SOX6: variants seen among roughly 807,000 people sequenced by gnomAD.
SOX6 encodes SRY-box transcription factor 6.
A neutral mutation model predicts 97.8 loss-of-function variants in SOX6; 11 were observed. The ratio of observed to expected loss-of-function variants is 0.11; its 90% CI spans 0.07 to 0.19. The LOEUF (loss-of-function observed/expected upper bound fraction) is 0.19, where lower values mean the gene tolerates loss of function less well. SOX6 is among the 10% of genes least tolerant of loss of function. The probability of loss-of-function intolerance (pLI) is 1.00; values close to 1 mark genes in which losing one functional copy is unlikely to be tolerated. For synonymous variants in SOX6, 360 were observed against 371.4 expected, an observed-to-expected ratio of 0.97 and a Z score of 0.35; for missense variants, 810 against 1,039.5, an observed-to-expected ratio of 0.78 and a Z score of 3.04.
chr11:16,194,737 G>A (rs998331878), intron 4 of SOX6, among the ~76,000 whole-genome samples: 2 of 152,156 alleles, frequency 1.3e-5, no homozygotes, highest in African/African-American at 2.4e-5. Flanking sequence ...GATCAACTGA[G>A]GTCTATTCAT....
In SOX6 at chr11:16,453,185, C is replaced by T. The variant is rs182323318; in HGVS notation, c.-5+23130G>A. 4.6e-5 allele frequency among the ~76,000 whole-genome samples: 7 copies of T among 152,122 alleles called. No homozygotes were observed. In the South Asian group the frequency reaches 6.2e-4, roughly 14 times the overall value. ...GGGTTTTTGTTACTATTGTTCTTGG[C>T]TATTTTTGCCTTTTTCTAAAATACC... On this transcript the variant is annotated intron_variant, in intron 1 of 15. Coordinates refer to the SOX6 transcript ENST00000396356.
chr11:16,156,681 C>A (rs57534454), intron 6 of SOX6, among the ~76,000 whole-genome samples: 3,858 of 152,014 alleles, frequency 0.025, 169 homozygotes, highest in African/African-American at 0.088. Context: ...TCTTTACTGG[C>A]CTCCTGGCTA....
At chr11:16,276,816 G>A (rs1519128) in intron 3 of SOX6, among the ~76,000 whole-genome samples, 118,824 of 152,182 alleles carry the variant, frequency 0.78, 46,527 homozygotes, top group Non-Finnish European at 0.8. Flanking sequence ...CTTTTGTTGT[G>A]GATACTTGCA....
At chr11:16,182,355 G>A (rs947991017) in intron 6 of SOX6, among the ~76,000 whole-genome samples, 3 of 151,796 alleles carry the variant, frequency 2.0e-5, no homozygotes, top group African/African-American at 7.2e-5. Context: ...GAAACAGAGA[G>A]AACTAAACGA....
intron 9 of SOX6, among the ~76,000 whole-genome samples, chr11:16,064,688 C>G (rs1046698711): frequency 2.5e-4 from 38 of 151,910 alleles, no homozygotes; most frequent in African/African-American, 8.9e-4. Context: ...GGATTTATCC[C>G]TGGGATGCAA....
chr11:16,529,679 G>A (rs1014814717), intron 4 of SOX6, among the ~76,000 whole-genome samples: 4 of 151,876 alleles, frequency 2.6e-5, no homozygotes, highest in South Asian at 2.1e-4. Context: ...TAAATTACAC[G>A]GTATATTAAA....
intron 4 of SOX6, among the ~76,000 whole-genome samples, chr11:16,486,067 A>G (rs1370914009): frequency 1.3e-5 from 2 of 151,032 alleles, no homozygotes; most frequent in African/African-American, 2.4e-5. Context: ...GCAGCTTATC[A>G]TTATGAACCA....
intron 1 of SOX6, among the ~76,000 whole-genome samples, chr11:16,475,477 C>G (rs1208971818): frequency 6.6e-6 from 1 of 152,062 alleles, no homozygotes. Context: ...ATTGTTGTGC[C>G]TCAGAGAACA....
chr11:15,978,944 AAG>A (rs1853579965), intron 15 of SOX6, among the ~76,000 whole-genome samples: 1 of 138,694 alleles, frequency 7.2e-6, no homozygotes, highest in Non-Finnish European at 1.6e-5. Flanking sequence ...TATATAAAAT[AAG>A]CATATATAAT....
At chr11:16,278,989 T>C (rs1854478573) in intron 3 of SOX6, among the ~76,000 whole-genome samples, 1 of 152,148 alleles carries the variant, frequency 6.6e-6, no homozygotes, top group African/African-American at 2.4e-5. Flanking sequence ...AAGACTAATG[T>C]GAAATGAGCA....
At chr11:16,571,332 C>T (rs921021735) in intron 4 of SOX6, among the ~76,000 whole-genome samples, 1 of 152,156 alleles carries the variant, frequency 6.6e-6, no homozygotes, top group Non-Finnish European at 1.5e-5. Flanking sequence ...AAGGATATAG[C>T]AATATTACCC....
intron 3 of SOX6, among the ~76,000 whole-genome samples, chr11:16,295,492 C>A (rs371963604): frequency 9.2e-5 from 14 of 152,104 alleles, no homozygotes; most frequent in African/African-American, 3.1e-4. Flanking sequence ...TACCACCCCC[C>A]CTCATCTTTC....
intron 6 of SOX6, among the ~76,000 whole-genome samples, chr11:16,139,847 C>T (rs1850080732): frequency 6.6e-6 from 1 of 151,288 alleles, no homozygotes; most frequent in South Asian, 2.1e-4. Flanking sequence ...CACAAAGTCA[C>T]TTTGATACTT....
At chr11:16,017,701 GA>G (rs1854930155) in intron 12 of SOX6, among the ~76,000 whole-genome samples, 1 of 152,018 alleles carries the variant, frequency 6.6e-6, no homozygotes. Context: ...GAAGTATAAA[GA>G]TACTTTGGTT....
intron 4 of SOX6, among the ~76,000 whole-genome samples, chr11:16,537,070 T>A (rs940070683): frequency 1.3e-5 from 2 of 152,098 alleles, no homozygotes; most frequent in Admixed American, 1.3e-4. Flanking sequence ...AGACACCTCA[T>A]ACAGGCAAGT....
At chr11:16,501,182 C>T (rs1860700937) in intron 4 of SOX6, among the ~76,000 whole-genome samples, 1 of 152,138 alleles carries the variant, frequency 6.6e-6, no homozygotes, top group African/African-American at 2.4e-5. Context: ...TGATCTTTGA[C>T]AAACCTGACA....
chr11:16,478,603 A>G (rs1326802694), upstream of SOX6, among the ~76,000 whole-genome samples: 1 of 152,236 alleles, frequency 6.6e-6, no homozygotes, highest in Admixed American at 6.5e-5. Context: ...TTTACAGCAA[A>G]GAATTAAAAA....
chr11:16,590,369 G>A (rs560260194), intron 4 of SOX6, among the ~76,000 whole-genome samples: 1 of 152,186 alleles, frequency 6.6e-6, no homozygotes, highest in South Asian at 2.1e-4. Context: ...AATTTTTAAG[G>A]AAAACTAAGG....
intron 2 of SOX6, among the ~76,000 whole-genome samples, chr11:16,717,892 G>T (rs116028714): frequency 2.4e-3 from 363 of 148,286 alleles, no homozygotes; most frequent in African/African-American, 8.6e-3. Flanking sequence ...CTTTTCTTCT[G>T]GCTCAGAAAT....
Sources: allele counts gnomAD v4.1 joint callset (sites outside exome capture counted in the v4.1 genomes callset), GRCh38; gene constraint gnomAD v4.1.1; transcripts MANE v1.5; gene names NCBI Gene and HGNC (gene_info 2026-07-23, HGNC 2026-07-21).